The following COL11A1 variants were observed in gnomAD, a reference collection of about 807,000 sequenced individuals.
COL11A1 encodes collagen alpha-1(XI) chain.
A neutral mutation model predicts 265.2 loss-of-function variants in COL11A1; 74 were observed. That is an observed-to-expected ratio of 0.28 (90% CI 0.23 to 0.34). The LOEUF is 0.34. Among genes scored for constraint, COL11A1 ranks in the 10% least tolerant of loss-of-function variants. COL11A1 has a pLI of 1.00. For synonymous variants in COL11A1, 816 were observed against 727.6 expected (o/e 1.12, Z -1.96); for missense variants, 2,165 against 2,263.6 (o/e 0.96, Z 0.88).
intron 4 of COL11A1, among the ~76,000 whole-genome samples, chr1:103,060,588 T>C (rs1290220942): frequency 1.3e-5 from 2 of 152,188 alleles, no homozygotes; most frequent in East Asian, 3.8e-4. Context: ...TTTGAAATAT[T>C]TTATAAGATA....
At chr1:103,005,203 C>T (rs998804227) in intron 18 of COL11A1, among the ~76,000 whole-genome samples, 2 of 151,904 alleles carry the variant, frequency 1.3e-5, no homozygotes, top group African/African-American at 2.4e-5. Context: ...TTTTTCTTCT[C>T]CAATTTACTT....
intron 42 of COL11A1, among the ~76,000 whole-genome samples, chr1:102,944,439 T>C (rs1202278549): frequency 3.9e-5 from 6 of 152,118 alleles, no homozygotes; most frequent in African/African-American, 1.4e-4. Context: ...TAATTTTGGC[T>C]AATAGAAAAT....
At chr1:102,892,481 C>G (rs1651892315) in intron 57 of COL11A1, among the ~76,000 whole-genome samples, 1 of 152,126 alleles carries the variant, frequency 6.6e-6, no homozygotes, top group South Asian at 2.1e-4. Flanking sequence ...TAGATAAGGT[C>G]TGGCATAGAT....
intron 3 of COL11A1, among the ~76,000 whole-genome samples, chr1:103,076,814 T>G (rs71655807): frequency 0.038 from 5,727 of 152,228 alleles, 125 homozygotes; most frequent in Middle Eastern, 0.092. Flanking sequence ...CCTGGGTTGT[T>G]CATTGCTACA....
intron 4 of COL11A1, among the ~76,000 whole-genome samples, chr1:103,065,972 A>C (rs1433295135): frequency 6.6e-6 from 1 of 152,184 alleles, no homozygotes; most frequent in Non-Finnish European, 1.5e-5. Flanking sequence ...CAGAAAACAC[A>C]GGGACCAGAG....
chr1:102,948,316 C>T (rs1659526865), intron 41 of COL11A1, among the ~76,000 whole-genome samples: 1 of 152,020 alleles, frequency 6.6e-6, no homozygotes, highest in Non-Finnish European at 1.5e-5. Flanking sequence ...GAATCTCTGG[C>T]TCAAAGAAGT....
At chr1:102,899,067 C>T (rs2100926384) in intron 54 of COL11A1, 73 bp from the exon 55 acceptor site, 1 of 810,308 alleles carries the variant, frequency 1.2e-6, no homozygotes, top group Admixed American at 2.6e-5. Context: ...TGTTTACAAA[C>T]ACTAAACTTT....
rs137867554 is a variant in COL11A1, at chr1:103,025,514, G to A, written c.990+7C>T. ...GACTGTGATTTAATACTGTCTATACGTATTACCTCATTTGTCCCAGAAACA... is the reference window on the plus strand; with the variant it reads ...GACTGTGATTTAATACTGTCTATACATATTACCTCATTTGTCCCAGAAACA... On this transcript the variant is annotated splice_region_variant and intron_variant, in intron 7 of 66. Transcript: ENST00000370096. 1.2e-4 allele frequency: 191 copies of A among 1,584,546 alleles called. 1 individual carries two copies. In the African/African-American group the frequency reaches 1.3e-3, roughly 10 times the overall value.
intron 28 of COL11A1, 54 bp from the exon 29 acceptor site, chr1:102,989,625 C>G: frequency 8.1e-7 from 1 of 1,228,630 alleles, no homozygotes; most frequent in South Asian, 1.3e-5. Context: ...TTTGGAGTAA[C>G]CTAAAATATT....
chr1:103,002,359 C>G, intron 23 of COL11A1, 69 bp downstream of exon 23: 2 of 1,310,646 alleles, frequency 1.5e-6, no homozygotes, highest in Non-Finnish European at 2.2e-6. Context: ...GTGAGACTGT[C>G]GATTTTCTTA....
At chr1:102,932,534 T>G (rs903271696) in intron 46 of COL11A1, among the ~76,000 whole-genome samples, 8 of 152,168 alleles carry the variant, frequency 5.3e-5, no homozygotes, top group Non-Finnish European at 1.0e-4. Flanking sequence ...ATTTTTTCCT[T>G]CATTTCAACT....
chr1:103,105,990 A>C (rs1168449358), intron 1 of COL11A1, among the ~76,000 whole-genome samples: 1 of 152,160 alleles, frequency 6.6e-6, no homozygotes, highest in Non-Finnish European at 1.5e-5. Flanking sequence ...TGAAGAAGAA[A>C]CCCAACAAAA....
At chr1:103,074,985 A>C (rs115560346) in intron 3 of COL11A1, among the ~76,000 whole-genome samples, 3 of 152,258 alleles carry the variant, frequency 2.0e-5, no homozygotes, top group African/African-American at 7.2e-5. Flanking sequence ...GGACACAAGC[A>C]GCATAAAATG....
intron 44 of COL11A1, among the ~76,000 whole-genome samples, chr1:102,937,555 T>C (rs1275659238): frequency 2.0e-5 from 3 of 152,320 alleles, no homozygotes; most frequent in African/African-American, 7.2e-5. Context: ...TGCATAGCGA[T>C]TGAGTTCTTG....
chr1:102,927,066 C>A (rs1656675694), intron 46 of COL11A1, among the ~76,000 whole-genome samples: 1 of 152,010 alleles, frequency 6.6e-6, no homozygotes. Flanking sequence ...ATATTGTGTT[C>A]ATGATGCAAT....
chr1:103,014,036 T>C (rs1666347771), intron 13 of COL11A1, among the ~76,000 whole-genome samples: 3 of 152,006 alleles, frequency 2.0e-5, no homozygotes, highest in Admixed American at 2.0e-4. Context: ...AATTTGAAGG[T>C]TTCTTTTTTA....
chr1:102,982,581 A>G (rs1455208603), intron 31 of COL11A1, among the ~76,000 whole-genome samples: 1 of 152,102 alleles, frequency 6.6e-6, no homozygotes, highest in Non-Finnish European at 1.5e-5. Flanking sequence ...AGTATTAATC[A>G]GTGTCCTGAG....
chr1:102,921,006 A>C (rs540612979), intron 48 of COL11A1, among the ~76,000 whole-genome samples: 2 of 152,346 alleles, frequency 1.3e-5, no homozygotes, highest in East Asian at 3.9e-4. Context: ...ATTATATTTC[A>C]AAATCTTATA....
chr1:103,107,489 C>T (rs1674791067), intron 1 of COL11A1, among the ~76,000 whole-genome samples: 1 of 149,956 alleles, frequency 6.7e-6, no homozygotes, highest in South Asian at 2.2e-4. Context: ...ATAGATTGAC[C>T]CTCCCCCGCC....
Sources: gnomAD v4.1 joint callset for allele counts (sites outside exome capture counted in the v4.1 genomes callset) on GRCh38, gnomAD v4.1.1 for gene constraint, MANE v1.5 for transcripts, NCBI Gene and HGNC (gene_info 2026-07-23, HGNC 2026-07-21) for gene names.